Variants in FER1L6 observed in about 807,000 individuals in gnomAD.
FER1L6 encodes fer-1-like protein 6.
In FER1L6, 177 loss-of-function variants were observed where a neutral mutation model predicts 219.2. The ratio of observed to expected loss-of-function variants is 0.81; its 90% CI spans 0.71 to 0.91. FER1L6 has a LOEUF of 0.91. FER1L6 is among the 40% of genes least tolerant of loss of function. FER1L6 has a pLI of 0.00. For missense variants in FER1L6, 2,153 were observed against 2,259.9 expected (o/e 0.95, Z 0.96); for synonymous variants, 768 against 824.3 (o/e 0.93, Z 1.17).
chr8:124,066,511 G>A lies in FER1L6; in HGVS notation c.3639G>A (p.Trp1213Ter). The change falls in exon 27 of 41, where the codon TGG becomes TGA. Residue 1213 changes from tryptophan (W) to a stop codon, truncating the protein, a stop_gained. Coordinates refer to ENST00000522917, the MANE Select transcript of FER1L6 (RefSeq NM_001039112.2). LOFTEE classifies it high-confidence loss of function. ...ADESAENVID[W>*]WSKYYASLKK... The stretch of plus-strand genomic sequence containing the variant: ...AATCTGCTGAAAACGTGATTGACTG[G>A]TGGTCTAAGTATTATGCCTCCCTGA... The A allele has an allele frequency of 6.2e-7, 1 of 1,614,102 alleles. No homozygotes were observed. Among genetic ancestry groups the A allele is most frequent in the Non-Finnish European group, 8.5e-7 (1 of 1,179,984 alleles).
In FER1L6 at chr8:124,056,571, G is replaced by GAGTT. The variant is rs527968095; in HGVS notation, c.2875-3606_2875-3603dup. On this transcript the variant is annotated intron_variant, in intron 22 of 40. Transcript: ENST00000522917. ...CATTAAGTCTTCTTATTAGAGGTCT[G>GAGTT]AGTTAGATGATTTAATTAGCTTCAG... Among the ~76,000 whole-genome samples, 64 of 152,332 alleles carry GAGTT rather than the reference G, an allele frequency of 4.2e-4. No individual in the cohort carries two copies. In the South Asian group the frequency reaches 0.013, roughly 32 times the overall value.
intron 32 of FER1L6, among the ~76,000 whole-genome samples, chr8:124,081,604 C>T (rs80267559): frequency 1.1e-5 from 1 of 88,960 alleles, no homozygotes; most frequent in Non-Finnish European, 2.1e-5. Context: ...AATGCAGAGA[C>T]CAAAAAAAAA....
chr8:123,960,789 C>T (rs1413049763), intron 2 of FER1L6, among the ~76,000 whole-genome samples: 1 of 152,072 alleles, frequency 6.6e-6, no homozygotes, highest in Non-Finnish European at 1.5e-5. Context: ...CACCTCATCT[C>T]AAACTCTTAA....
intron 18 of FER1L6, among the ~76,000 whole-genome samples, chr8:124,025,539 A>G (rs892076728): frequency 1.3e-5 from 2 of 152,134 alleles, no homozygotes; most frequent in African/African-American, 4.8e-5. Context: ...TGGCCTATAT[A>G]TCTACTTTTA....
At chr8:124,050,519 GACCTCCT>G (rs1819962669) in intron 22 of FER1L6, among the ~76,000 whole-genome samples, 1 of 152,046 alleles carries the variant, frequency 6.6e-6, no homozygotes, top group Non-Finnish European at 1.5e-5. Context: ...TTCTCCCCTT[GACCTCCT>G]ACTCACTGAG....
intron 11 of FER1L6, 26 bp from the exon 12 acceptor site, chr8:123,986,042 C>T: frequency 7.5e-7 from 1 of 1,341,626 alleles, no homozygotes; most frequent in South Asian, 1.2e-5. Flanking sequence ...CCAGTTCTGC[C>T]TAATAATTTT....
chr8:124,069,601 T>A, intron 29 of FER1L6, 126 bp downstream of exon 29: 1 of 649,106 alleles, frequency 1.5e-6, no homozygotes, highest in Non-Finnish European at 2.6e-6. Context: ...GTCACCGATG[T>A]AGAGAAGTAA....
intron 37 of FER1L6, 31 bp downstream of exon 37, chr8:124,097,914 T>G: frequency 8.9e-7 from 1 of 1,125,098 alleles, no homozygotes. Flanking sequence ...CAACCTCCCA[T>G]TTCCTTCCCT....
chr8:124,067,966 T>C (rs952045226), intron 28 of FER1L6, among the ~76,000 whole-genome samples, 160 bp downstream of exon 28: 4 of 152,214 alleles, frequency 2.6e-5, no homozygotes, highest in Non-Finnish European at 4.4e-5. Context: ...AATGTGGTCA[T>C]GTAGCTCTTG....
Position 124,013,460 on chromosome 8 carries a change from G to T in FER1L6, c.1851G>T (p.Leu617Phe). The T allele has an allele frequency of 6.2e-7, 1 of 1,608,836 alleles. No individual in the cohort carries two copies. Among genetic ancestry groups the T allele is most frequent in the Non-Finnish European group, 8.5e-7 (1 of 1,178,270 alleles). ...LEESIEEVRELIKISQEAPEE... is the reference protein window; with the variant it reads ...LEESIEEVREFIKISQEAPEE... ...AAAGTATAGAAGAAGTGAGAGAATT[G>T]ATCAAGATTTCACAGGAGGCACCTG... The change falls in exon 15 of 41, where the codon TTG becomes TTT. Residue 617 changes from leucine to phenylalanine, a missense_variant. Physicochemically the swap from Leu to Phe is conservative, Grantham distance 22 (BLOSUM62 0). Coordinates refer to ENST00000522917, the MANE Select transcript of FER1L6 (RefSeq NM_001039112.2).
At chr8:124,004,952 C>T (rs929887636) in intron 13 of FER1L6, among the ~76,000 whole-genome samples, 1 of 150,870 alleles carries the variant, frequency 6.6e-6, no homozygotes, top group Non-Finnish European at 1.5e-5. Flanking sequence ...GAGCAGAGAT[C>T]GCACCACTGC....
At chr8:123,921,914 C>T (rs1278242995) in intron 1 of FER1L6, among the ~76,000 whole-genome samples, 4 of 152,150 alleles carry the variant, frequency 2.6e-5, no homozygotes, top group African/African-American at 9.7e-5. Flanking sequence ...ACTGTGAGAC[C>T]TTGGGCAAGT....
chr8:124,110,883 G>A (rs1476291128), intron 39 of FER1L6, among the ~76,000 whole-genome samples: 2 of 151,828 alleles, frequency 1.3e-5, no homozygotes, highest in South Asian at 2.1e-4. Context: ...TGTTATCAGT[G>A]CCCCCCCTCC....
At chr8:124,001,454 A>G (rs1252169350) in intron 12 of FER1L6, among the ~76,000 whole-genome samples, 1 of 152,182 alleles carries the variant, frequency 6.6e-6, no homozygotes, top group Non-Finnish European at 1.5e-5. Context: ...TTTGTGATTG[A>G]TTTACCACAA....
intron 12 of FER1L6, 122 bp from the exon 13 acceptor site, chr8:124,003,045 A>G (rs988939807): frequency 1.4e-6 from 1 of 739,448 alleles, no homozygotes; most frequent in East Asian, 2.5e-5. Context: ...TGCTCTTTCT[A>G]CCTTCATAAT....
chr8:124,052,124 TA>T (rs1286084600), intron 22 of FER1L6, among the ~76,000 whole-genome samples: 1 of 152,210 alleles, frequency 6.6e-6, no homozygotes, highest in African/African-American at 2.4e-5. Context: ...TGTTGCACAG[TA>T]AAATGGACTA....
chr8:124,038,429 T>C (rs1353932533), intron 19 of FER1L6, among the ~76,000 whole-genome samples: 1 of 152,222 alleles, frequency 6.6e-6, no homozygotes, highest in African/African-American at 2.4e-5. Flanking sequence ...GTACCTCTAA[T>C]TCGTTGCCCC....
At chr8:124,049,136 A>G (rs1435293184) in intron 21 of FER1L6, among the ~76,000 whole-genome samples, 1 of 150,722 alleles carries the variant, frequency 6.6e-6, no homozygotes, top group Admixed American at 6.6e-5. Context: ...CAACCTCCAC[A>G]TCCCGGGTTT....
chr8:124,042,395 A>G (rs1819541263), intron 20 of FER1L6, among the ~76,000 whole-genome samples: 1 of 152,252 alleles, frequency 6.6e-6, no homozygotes, highest in Non-Finnish European at 1.5e-5. Flanking sequence ...TTAGCATTTT[A>G]TATGCATCAT....
Sources: allele counts gnomAD v4.1 joint callset (sites outside exome capture counted in the v4.1 genomes callset), GRCh38; gene constraint gnomAD v4.1.1; transcripts MANE v1.5; gene names NCBI Gene and HGNC (gene_info 2026-07-23, HGNC 2026-07-21).